The following BCL3 variants were observed in gnomAD, a reference collection of about 807,000 sequenced individuals.
BCL3 encodes BCL3 transcription coactivator, also known as B-cell lymphoma 3 protein.
BCL3 carries 15 observed loss-of-function variants against 35.7 expected under a neutral mutation model. The ratio of observed to expected loss-of-function variants is 0.42; its 90% confidence interval spans 0.28 to 0.65. The LOEUF (loss-of-function observed/expected upper bound fraction) is 0.65, where lower values mean the gene tolerates loss of function less well. Among genes scored for constraint, BCL3 ranks in the 30% least tolerant of loss-of-function variants. The pLI is 0.22. For missense variants in BCL3, 565 were observed against 641.7 expected (o/e 0.88, Z 1.29); for synonymous variants, 311 against 284.3 (o/e 1.09, Z -0.95).
chr19:44,759,929 CT>C lies in BCL3; in HGVS notation c.*315del. ...CCCAGGGAACAGCCACTCCCCTCCACTCTCTACCAGATAACTGAGGAGGGGA... is the reference window on the plus strand; with the variant it reads ...CCCAGGGAACAGCCACTCCCCTCCACCTCTACCAGATAACTGAGGAGGGGA... On this transcript the variant is annotated 3_prime_UTR_variant, in exon 9 of 9. Transcript: ENST00000164227. 1 of 340,200 alleles carries C rather than the reference CT, an allele frequency of 2.9e-6. No individual in the cohort carries two copies. The highest frequency in any genetic ancestry group is 5.3e-6 in the Non-Finnish European group (1 of 188,786). 21.1% of individuals were successfully genotyped at this position (340,200 alleles called of 1,614,324 possible). A position where few individuals can be genotyped will look rare whatever the true frequency, so the allele number is the denominator to read the frequency against.
chr19:44,756,203 C>T, intron 2 of BCL3, 29 bp from the exon 3 acceptor site: 1 of 1,407,672 alleles, frequency 7.1e-7, no homozygotes, highest in Non-Finnish European at 9.4e-7. Flanking sequence ...CCCCTAATGC[C>T]TGTGATTCCT....
Position 44,758,317 on chromosome 19 carries a change from C to G in BCL3, c.963C>G (p.Leu321=). ...TGCACTCAGCGTCCGGCCGCGGGCTCCTCCCGCTGGTGCGCACGCTGGTCC... is the reference window on the plus strand; with the variant it reads ...TGCACTCAGCGTCCGGCCGCGGGCTGCTCCCGCTGGTGCGCACGCTGGTCC... ...SALHSASGRG[L]LPLVRTLVRS... The change falls in exon 7 of 9, where the codon CTC becomes CTG. Residue 321 remains leucine (L), a synonymous_variant. Coordinates refer to ENST00000164227, the MANE Select transcript of BCL3 (RefSeq NM_005178.5). 1 of 1,574,052 alleles carries G rather than the reference C, an allele frequency of 6.4e-7. No individual in the cohort carries two copies. The highest frequency in any genetic ancestry group is 1.1e-5 in the South Asian group (1 of 87,634).
At chr19:44,747,784 T>C, upstream of BCL3, 1 of 1,071,886 alleles carries the variant, frequency 9.3e-7, no homozygotes, top group Non-Finnish European at 1.1e-6. Context: ...CTATCTCTCT[T>C]TCTCTCAAGA....
Position 44,757,437 on chromosome 19 carries a change from G to C in BCL3, c.813+22G>C, listed in dbSNP as rs754741679. On this transcript the variant is annotated intron_variant, in intron 5 of 8. Coordinates refer to ENST00000164227, the MANE Select transcript of BCL3 (RefSeq NM_005178.5). This position sits in a 1 kb window ranked among gnomAD's most constrained non-coding sequence, Gnocchi z 8.4. ...AGTGGTGAGCGTGCACTAGGAGCTG[G>C]GAGGGAGCGGGGCCTTAGCAGGGGC... 4 of 1,571,422 alleles carry C rather than the reference G, an allele frequency of 2.5e-6. No individual in the cohort carries two copies. The highest frequency in any genetic ancestry group is 1.4e-5 in the African/African-American group (1 of 73,710).
intron 7 of BCL3, 62 bp downstream of exon 7, chr19:44,758,475 C>T: frequency 6.7e-7 from 1 of 1,503,296 alleles, no homozygotes. Context: ...TGGTTGCAGG[C>T]GAGTGTGCCA....
At chr19:44,758,887 G>A (rs893753243) in intron 8 of BCL3, 46 bp downstream of exon 8, 8 of 1,464,970 alleles carry the variant, frequency 5.5e-6, no homozygotes, top group Non-Finnish European at 7.3e-6. Context: ...TCCTCCCTCA[G>A]ACCCAGGAAT....
chr19:44,758,685 G>C, intron 7 of BCL3, 39 bp from the exon 8 acceptor site: 1 of 1,512,446 alleles, frequency 6.6e-7, no homozygotes, highest in Non-Finnish European at 9.0e-7. Context: ...AGGACTGTGA[G>C]GCATGGGTGG....
chr19:44,754,457 G>A (rs1208276746), intron 2 of BCL3, among the ~76,000 whole-genome samples: 1 of 152,168 alleles, frequency 6.6e-6, no homozygotes. Context: ...CGGCGGGACA[G>A]GCTTCCCTCC....
rs887970577 is a variant in BCL3, at chr19:44,759,983, C to T, written c.*368C>T. 10 of 275,774 alleles carry T rather than the reference C, an allele frequency of 3.6e-5. No individual in the cohort carries two copies. The highest frequency in any genetic ancestry group is 2.3e-4 in the East Asian group (4 of 17,616). 17.1% of individuals were successfully genotyped at this position (275,774 alleles called of 1,614,324 possible). ...GGTGGGCCGTAACGGGCACGGATCA[C>T]GATGTAAATTATTAAGCATTTTGGT... On this transcript the variant is annotated 3_prime_UTR_variant, in exon 9 of 9. Coordinates refer to ENST00000164227, the MANE Select transcript of BCL3 (RefSeq NM_005178.5).
At chr19:44,748,224 T>G, upstream of BCL3, 1 of 504,364 alleles carries the variant, frequency 2.0e-6, no homozygotes, top group Non-Finnish European at 3.3e-6. Context: ...AGAGAGATGG[T>G]GACAGACACA....
chr19:44,757,650 T>G lies in BCL3; in HGVS notation c.818T>G (p.Ile273Ser), dbSNP rs766413561. ...GACCTTCCCTCCCCGCCGCAGGACA[T>G]TAAGAGCGGCCGCTCCCCGCTCATC... ...ERGADIDAVD[I>S]KSGRSPLIHA... The change falls in exon 6 of 9, where the codon ATT becomes AGT. Residue 273 changes from isoleucine to serine, a missense_variant. Around this residue, in one of 5 missense-constraint regions of BCL3, gnomAD observed 103 missense variants for 106.7 expected, o/e 0.97. Transcript: ENST00000164227. This position sits in a 1 kb window ranked among gnomAD's most constrained non-coding sequence, Gnocchi z 8.4. The G allele has an allele frequency of 1.9e-6, 3 of 1,613,728 alleles. No homozygotes were observed. Among genetic ancestry groups the G allele is most frequent in the Non-Finnish European group, 2.5e-6 (3 of 1,179,844 alleles).
chr19:44,751,727 G>A (rs1378769237), intron 2 of BCL3, among the ~76,000 whole-genome samples: 6 of 152,166 alleles, frequency 3.9e-5, no homozygotes, highest in East Asian at 3.9e-4. Flanking sequence ...ACAGCCTCCC[G>A]AGTAGCTGAG....
intron 8 of BCL3, 31 bp from the exon 9 acceptor site, chr19:44,759,397 A>AC: frequency 8.0e-7 from 1 of 1,257,272 alleles, no homozygotes; most frequent in South Asian, 1.3e-5. Context: ...GCCTCTCACC[A>AC]CCCACCCCTC....
At position 44,759,575 on chromosome 19, in the gene BCL3, G is replaced by A. The variant is rs1295404922; in HGVS notation, c.1325G>A (p.Gly442Asp). 6.2e-7 allele frequency: 1 copy of A among 1,609,348 alleles called. No homozygotes were observed. Among genetic ancestry groups the A allele is most frequent in the South Asian group, 1.1e-5 (1 of 90,828 alleles). ...LPFAGVLRGPGRPVPPSPAPG... is the reference protein window; with the variant it reads ...LPFAGVLRGPDRPVPPSPAPG... ...TTTGCTGGGGTCCTCCGAGGCCCTG[G>A]CCGGCCGGTGCCCCCCTCCCCAGCT... Residue 442 changes from glycine (G) to aspartate (D), a missense_variant, in exon 9 of 9, where the codon GGC becomes GAC. Around this residue, in one of 5 missense-constraint regions of BCL3, gnomAD observed 151 missense variants for 138.1 expected, o/e 1.09. Coordinates refer to ENST00000164227, the MANE Select transcript of BCL3 (RefSeq NM_005178.5).
At chr19:44,754,032 C>T (rs1017099630) in intron 2 of BCL3, among the ~76,000 whole-genome samples, 8 of 152,160 alleles carry the variant, frequency 5.3e-5, no homozygotes, top group Admixed American at 3.9e-4. Context: ...GGACGTTGGG[C>T]TGGTGAAACT....
Position 44,751,358 on chromosome 19 carries a change from C to G in BCL3, c.388C>G (p.Arg130Gly). The G allele has an allele frequency of 6.3e-7, 1 of 1,598,078 alleles. No homozygotes were observed. The highest frequency in any genetic ancestry group is 1.1e-5 in the South Asian group (1 of 88,864). The change falls in exon 2 of 9, where the codon CGT becomes GGT. Residue 130 changes from arginine (R) to glycine (G), a missense_variant. By Grantham distance (125) the Arg-to-Gly change is moderately radical. Transcript: ENST00000164227. ...PLSADIAMAT[R>G]ADEDGDTPLH... ...TTCTGCTGACATCGCCATGGCCACC[C>G]GTGCAGATGAGGACGGAGACACGTG...
intron 2 of BCL3, among the ~76,000 whole-genome samples, chr19:44,755,931 T>C (rs1478162027): frequency 6.7e-6 from 1 of 148,944 alleles, no homozygotes; most frequent in Admixed American, 6.6e-5. Flanking sequence ...ACAAATAAAA[T>C]AAAATAAAAT....
chr19:44,753,535 C>A (rs369237831), intron 2 of BCL3, among the ~76,000 whole-genome samples: 13 of 152,348 alleles, frequency 8.5e-5, no homozygotes, highest in East Asian at 1.9e-4. Context: ...CAGCCTCCCC[C>A]CTCCTGGCGC....
chr19:44,759,864 C>T lies in BCL3; in HGVS notation c.*249C>T, dbSNP rs1021804462. On this transcript the variant is annotated 3_prime_UTR_variant, in exon 9 of 9. Coordinates refer to ENST00000164227, the MANE Select transcript of BCL3 (RefSeq NM_005178.5). ...ACCAGTCCCTGTCCGGAATGCCACC[C>T]ACATCTTCCATTTCCATGTCCCCTC... 1.2e-5 allele frequency: 5 copies of T among 433,250 alleles called. No homozygotes were observed. The highest frequency in any genetic ancestry group is 2.0e-5 in the Non-Finnish European group (5 of 246,946). 26.8% of individuals were successfully genotyped at this position (433,250 alleles called of 1,614,324 possible). A position where few individuals can be genotyped will look rare whatever the true frequency, so the allele number is the denominator to read the frequency against.
Sources: gnomAD v4.1 joint callset for allele counts (sites outside exome capture counted in the v4.1 genomes callset) on GRCh38, gnomAD v4.1.1 for gene constraint, gnomAD v4.1.1 regional missense constraint, Gnocchi (gnomAD v3.1) non-coding constraint, MANE v1.5 for transcripts, NCBI Gene and HGNC (gene_info 2026-07-23, HGNC 2026-07-21) for gene names.